The following C15orf40 variants were observed in gnomAD, a reference collection of about 807,000 sequenced individuals.
C15orf40 encodes chromosome 15 open reading frame 40, also known as UPF0235 protein C15orf40.
In C15orf40, 9 loss-of-function variants were observed where a neutral mutation model predicts 13.9. The ratio of observed to expected loss-of-function variants is 0.65; its 90% confidence interval spans 0.39 to 1.13. The LOEUF (loss-of-function observed/expected upper bound fraction) is 1.13. Among genes scored for constraint, C15orf40 ranks in the 50% most tolerant of loss-of-function variants. The pLI is 0.01. For missense variants in C15orf40, 225 were observed against 188.5 expected (o/e 1.19, Z -1.13); for synonymous variants, 95 against 69.2 (o/e 1.37, Z -1.85).
chr15:82,996,193 T>G lies in C15orf40; in HGVS notation c.*9404A>C, dbSNP rs1457514612. The G allele has an allele frequency of 6.6e-6, 1 of 152,136 alleles. No homozygotes were observed. The allele number at this position is 152,136 out of a possible 1,614,324, so 9.4% of individuals were successfully genotyped here. ...GGATGATGTGATGATGATCTCATGG[T>G]TTTTTTCCACTGCTCGTGCCTTTAA... On this transcript the variant is annotated 3_prime_UTR_variant, in exon 4 of 4. Transcript: ENST00000304177.
At chr15:82,990,097 A>G, downstream of C15orf40, 1 of 1,064,060 alleles carries the variant, frequency 9.4e-7, no homozygotes, top group Non-Finnish European at 1.3e-6. Flanking sequence ...TAGTAAAAGC[A>G]TTTACTCTGT....
intron 3 of C15orf40, chr15:83,006,449 A>T: frequency 1.0e-6 from 1 of 985,358 alleles, no homozygotes; most frequent in Non-Finnish European, 1.2e-6. Flanking sequence ...CGATTTCACA[A>T]CCACTTAAAA....
At position 82,996,192 on chromosome 15, in the gene C15orf40, G is replaced by T. The variant is rs1452094750; in HGVS notation, c.*9405C>A. 2.0e-5 allele frequency: 3 copies of T among 152,170 alleles called. No homozygotes were observed. Among genetic ancestry groups the T allele is most frequent in the African/African-American group, 7.2e-5 (3 of 41,446 alleles). 9.4% of individuals were successfully genotyped at this position (152,170 alleles called of 1,614,324 possible). A position where few individuals can be genotyped will look rare whatever the true frequency, so the allele number is the denominator to read the frequency against. On this transcript the variant is annotated 3_prime_UTR_variant, in exon 4 of 4. Transcript: ENST00000304177. ...GGGATGATGTGATGATGATCTCATG[G>T]TTTTTTTCCACTGCTCGTGCCTTTA...
chr15:82,991,981 C>T (rs752474950), downstream of C15orf40: 150 of 1,181,402 alleles, frequency 1.3e-4, 1 homozygote, highest in Admixed American at 4.6e-4. Flanking sequence ...TCTGGGAGGC[C>T]GAGGCGGGAA....
At chr15:82,992,989 AGAGT>A (rs975300793), downstream of C15orf40, among the ~76,000 whole-genome samples, 3 of 152,240 alleles carry the variant, frequency 2.0e-5, no homozygotes, top group African/African-American at 4.8e-5. Context: ...AGATAATTTA[AGAGT>A]GAGAGCAAAT....
chr15:83,001,024 G>T lies in C15orf40; in HGVS notation c.*4573C>A. On this transcript the variant is annotated 3_prime_UTR_variant, in exon 4 of 4. Transcript: ENST00000304177. ...AACAGGGTTTCGCCATATTGGTCAG[G>T]CTGGTCTTAAACTCCTGACTTCAAG... The T allele has an allele frequency of 2.9e-6, 2 of 687,414 alleles. No individual in the cohort carries two copies. Among genetic ancestry groups the T allele is most frequent in the Non-Finnish European group, 3.6e-6 (2 of 558,072 alleles). 42.6% of individuals were successfully genotyped at this position (687,414 alleles called of 1,614,324 possible). A position where few individuals can be genotyped will look rare whatever the true frequency, so the allele number is the denominator to read the frequency against.
chr15:83,003,287 A>C lies in C15orf40; in HGVS notation c.*2310T>G, dbSNP rs1017597480. The C allele has an allele frequency of 6.6e-6, 1 of 151,750 alleles. No individual in the cohort carries two copies. Among genetic ancestry groups the C allele is most frequent in the African/African-American group, 2.4e-5 (1 of 41,248 alleles). 9.4% of individuals were successfully genotyped at this position (151,750 alleles called of 1,614,324 possible). A position where few individuals can be genotyped will look rare whatever the true frequency, so the allele number is the denominator to read the frequency against. ...ATTACAGGCATGTGCCACCACGCCC[A>C]GCTAATTTTTTGTATTTTTAGTAGA... On this transcript the variant is annotated 3_prime_UTR_variant, in exon 4 of 4. Transcript: ENST00000304177.
In C15orf40 at chr15:82,997,964, G is replaced by GA; in HGVS notation, c.*7632dup. The GA allele has an allele frequency of 1.7e-5, 2 of 121,154 alleles. No homozygotes were observed. The highest frequency in any genetic ancestry group is 3.3e-5 in the African/African-American group (1 of 30,218). The allele number at this position is 121,154 out of a possible 1,614,324, so 7.5% of individuals were successfully genotyped here. A position where few individuals can be genotyped will look rare whatever the true frequency, so the allele number is the denominator to read the frequency against. On this transcript the variant is annotated 3_prime_UTR_variant, in exon 4 of 4. Transcript: ENST00000304177. ...GGGGCGGCTGGCCGGGCGGAGGGCTGACCCCCCCACCTCCCTCCCGGACGG... is the reference window on the plus strand; with the variant it reads ...GGGGCGGCTGGCCGGGCGGAGGGCTGAACCCCCCCACCTCCCTCCCGGACGG...
At chr15:82,991,849 T>C, downstream of C15orf40, 1 of 1,264,850 alleles carries the variant, frequency 7.9e-7, no homozygotes, top group South Asian at 1.2e-5. Flanking sequence ...GATTTGATAC[T>C]ACAGATATTT....
Position 83,011,607 on chromosome 15 carries a change from TC to T in C15orf40, c.-1del, listed in dbSNP as rs2032032987. ...CTCAGCCCGCTGCGGAGCCGCAGCATCCCCGCCTGGGAAGGCGCCGGAAGAG... is the reference window on the plus strand; with the variant it reads ...CTCAGCCCGCTGCGGAGCCGCAGCATCCCGCCTGGGAAGGCGCCGGAAGAG... On this transcript the variant is annotated 5_prime_UTR_variant, in exon 1 of 4. Coordinates refer to ENST00000304177, the MANE Select transcript of C15orf40 (RefSeq NM_144597.3). The T allele has an allele frequency of 6.3e-7, 1 of 1,575,884 alleles. No homozygotes were observed. The highest frequency in any genetic ancestry group is 8.6e-7 in the Non-Finnish European group (1 of 1,165,102).
chr15:83,011,591 C>T lies in C15orf40; in HGVS notation c.17G>A (p.Ser6Asn). The change falls in exon 1 of 4, where the codon AGC becomes AAC. Residue 6 changes from serine (S) to asparagine (N), a missense_variant. By Grantham distance (46) the Ser-to-Asn change is conservative. Coordinates refer to ENST00000304177, the MANE Select transcript of C15orf40 (RefSeq NM_144597.3). ...TGTTGCCCGAAGGTGCCTCAGCCCG[C>T]TGCGGAGCCGCAGCATCCCCGCCTG... is the stretch of plus-strand genomic sequence containing the variant. MLRLR[S>N]GLRHLRATPN... 2 of 1,590,330 alleles carry T rather than the reference C, an allele frequency of 1.3e-6. No homozygotes were observed. Among genetic ancestry groups the T allele is most frequent in the South Asian group, 2.2e-5 (2 of 89,006 alleles).
rs1207094587 is a variant in C15orf40 at position 82,996,017 on chromosome 15, T to G, written c.*9580A>C. 1 of 152,242 alleles carries G rather than the reference T, an allele frequency of 6.6e-6. No homozygotes were observed. The highest frequency in any genetic ancestry group is 1.5e-5 in the Non-Finnish European group (1 of 68,070). The allele number at this position is 152,242 out of a possible 1,614,324, so 9.4% of individuals were successfully genotyped here. ...ATGGGCTGATTTCAGTTGTTTTCAC[T>G]CCTCTCCCTAAAGGGCACAGACAGC... On this transcript the variant is annotated 3_prime_UTR_variant, in exon 4 of 4. Transcript: ENST00000304177.
downstream of C15orf40, among the ~76,000 whole-genome samples, chr15:82,993,031 AAGT>A (rs1304327090): frequency 6.6e-6 from 1 of 152,222 alleles, no homozygotes; most frequent in African/African-American, 2.4e-5. Flanking sequence ...AATTAATTTC[AAGT>A]AGTCTGTTGT....
At chr15:83,006,565 G>C (rs1391203237) in intron 3 of C15orf40, 2 of 687,404 alleles carry the variant, frequency 2.9e-6, no homozygotes, top group Non-Finnish European at 3.6e-6. Flanking sequence ...TTCGAGACCA[G>C]CCTGGCCAAT....
intron 1 of C15orf40, 26 bp from the exon 2 acceptor site, chr15:83,010,389 C>T: frequency 6.2e-7 from 1 of 1,613,572 alleles, no homozygotes; most frequent in Non-Finnish European, 8.5e-7. Flanking sequence ...CACAACTTTA[C>T]AGGTTACAAA....
rs1170965239 is a variant in C15orf40, at chr15:82,999,202, TTTTA to T, written c.*6391_*6394del. On this transcript the variant is annotated 3_prime_UTR_variant, in exon 4 of 4. Coordinates refer to ENST00000304177, the MANE Select transcript of C15orf40 (RefSeq NM_144597.3). ...GGAGGGGGAGGGGGAGGGGGCTCAT[TTTTA>T]TTTATTTGAGACAGCGTCTTGCCCT... The T allele has an allele frequency of 6.7e-6, 1 of 148,170 alleles. No homozygotes were observed. Among genetic ancestry groups the T allele is most frequent in the African/African-American group, 2.6e-5 (1 of 39,210 alleles). The allele number at this position is 148,170 out of a possible 1,614,324, so 9.2% of individuals were successfully genotyped here.
In C15orf40 at chr15:83,002,825, C is replaced by T. The variant is rs1203714411; in HGVS notation, c.*2772G>A. On this transcript the variant is annotated 3_prime_UTR_variant, in exon 4 of 4. Coordinates refer to ENST00000304177, the MANE Select transcript of C15orf40 (RefSeq NM_144597.3). ...ATTTTTTTTTTTCTTGAGACGGAGT[C>T]TGCCTCTGCAGCCCACGCTGGAGCG... 6.6e-6 allele frequency: 1 copy of T among 152,130 alleles called. No individual in the cohort carries two copies. Among genetic ancestry groups the T allele is most frequent in the Non-Finnish European group, 1.5e-5 (1 of 68,048 alleles). 9.4% of individuals were successfully genotyped at this position (152,130 alleles called of 1,614,324 possible). A position where few individuals can be genotyped will look rare whatever the true frequency, so the allele number is the denominator to read the frequency against.
Position 82,996,051 on chromosome 15 carries a change from T to C in C15orf40, c.*9546A>G, listed in dbSNP as rs1412114549. The C allele has an allele frequency of 2.6e-5, 4 of 152,234 alleles. No homozygotes were observed. Among genetic ancestry groups the C allele is most frequent in the Non-Finnish European group, 5.9e-5 (4 of 68,046 alleles). The allele number at this position is 152,234 out of a possible 1,614,324, so 9.4% of individuals were successfully genotyped here. A position where few individuals can be genotyped will look rare whatever the true frequency, so the allele number is the denominator to read the frequency against. On this transcript the variant is annotated 3_prime_UTR_variant, in exon 4 of 4. Coordinates refer to ENST00000304177, the MANE Select transcript of C15orf40 (RefSeq NM_144597.3). ...TAAAGGGCACAGACAGCCCCATGTA[T>C]GGGCTAATTCAGTTGGTGTTTTCAC... is the stretch of plus-strand genomic sequence containing the variant.
downstream of C15orf40, chr15:82,991,890 C>A (rs770932502): frequency 7.8e-7 from 1 of 1,288,852 alleles, no homozygotes; most frequent in Non-Finnish European, 1.0e-6. Context: ...GACTACACCC[C>A]AGAATCTTCT....
Sources: gnomAD v4.1 joint callset for allele counts (sites outside exome capture counted in the v4.1 genomes callset) on GRCh38, gnomAD v4.1.1 for gene constraint, MANE v1.5 for transcripts, NCBI Gene and HGNC (gene_info 2026-07-23, HGNC 2026-07-21) for gene names.